Variants in BMPR2 observed in about 807,000 individuals in gnomAD.
BMPR2 encodes the protein bone morphogenetic protein receptor type 2, also known as bone morphogenetic protein receptor type-2.
In BMPR2, 29 loss-of-function variants were observed where a neutral mutation model predicts 100.8. The ratio of observed to expected loss-of-function variants is 0.29; its 90% confidence interval spans 0.21 to 0.39. The LOEUF (loss-of-function observed/expected upper bound fraction) is 0.39. Among genes scored for constraint, BMPR2 ranks in the 10% least tolerant of loss-of-function variants. The probability of loss-of-function intolerance (pLI) is 1.00; values close to 1 mark genes in which losing one functional copy is unlikely to be tolerated. For synonymous variants in BMPR2, 382 were observed against 442.3 expected, an observed-to-expected ratio of 0.86 and a Z score of 1.71; for missense variants, 1,011 against 1,274.5, an observed-to-expected ratio of 0.79 and a Z score of 3.15.
chr2:202,479,648 T>TG (rs1171077037), intron 3 of BMPR2, among the ~76,000 whole-genome samples: 2 of 152,148 alleles, frequency 1.3e-5, no homozygotes, highest in East Asian at 3.8e-4. Flanking sequence ...ATGCTTGAGA[T>TG]GGGGTGTGCA....
At chr2:202,439,569 T>A (rs1691688873) in intron 1 of BMPR2, among the ~76,000 whole-genome samples, 1 of 149,612 alleles carries the variant, frequency 6.7e-6, no homozygotes, top group Non-Finnish European at 1.5e-5. Context: ...TTCATTGTTC[T>A]TTTTCTTTCT....
intron 1 of BMPR2, among the ~76,000 whole-genome samples, chr2:202,393,920 A>G (rs1452555160): frequency 7.5e-6 from 1 of 133,742 alleles, no homozygotes; most frequent in Non-Finnish European, 1.6e-5. Context: ...AGAGAGAGAG[A>G]GAGAGAGAGA....
At chr2:202,530,643 A>C (rs1447502023) in intron 7 of BMPR2, 151 bp from the exon 8 acceptor site, 1 of 624,294 alleles carries the variant, frequency 1.6e-6, no homozygotes. Flanking sequence ...GAAAATAGTG[A>C]TGAGTGTGAG....
At chr2:202,557,159 C>T (rs983522055) in intron 12 of BMPR2, among the ~76,000 whole-genome samples, 6 of 151,662 alleles carry the variant, frequency 4.0e-5, no homozygotes, top group Non-Finnish European at 7.4e-5. Context: ...GGTGAAACCC[C>T]GTCTCTACTA....
At chr2:202,515,288 T>C (rs1429290904) in intron 5 of BMPR2, among the ~76,000 whole-genome samples, 1 of 152,032 alleles carries the variant, frequency 6.6e-6, no homozygotes, top group Non-Finnish European at 1.5e-5. Context: ...AAAGAAAATA[T>C]GGGCCAGGCG....
chr2:202,451,303 T>C (rs912617385), intron 1 of BMPR2, among the ~76,000 whole-genome samples: 3 of 152,226 alleles, frequency 2.0e-5, no homozygotes, highest in Non-Finnish European at 1.5e-5. Context: ...ATGAAAAATA[T>C]TTAAATTCCC....
chr2:202,537,682 A>G (rs1415285932), intron 9 of BMPR2, among the ~76,000 whole-genome samples: 4 of 152,124 alleles, frequency 2.6e-5, no homozygotes, highest in South Asian at 2.1e-4. Flanking sequence ...TATGTTATGT[A>G]TATTCTACCA....
intron 1 of BMPR2, among the ~76,000 whole-genome samples, chr2:202,395,270 A>G (rs778045827): frequency 1.2e-4 from 19 of 152,320 alleles, no homozygotes; most frequent in Non-Finnish European, 2.4e-4. Flanking sequence ...CAACTTTTAA[A>G]TTCTGTGAAT....
At chr2:202,428,009 AAAT>A (rs1691426861) in intron 1 of BMPR2, among the ~76,000 whole-genome samples, 1 of 152,050 alleles carries the variant, frequency 6.6e-6, no homozygotes, top group African/African-American at 2.4e-5. Context: ...CAAATAAAAT[AAAT>A]AATACCTTTT....
At chr2:202,402,709 C>G (rs1468012067) in intron 1 of BMPR2, among the ~76,000 whole-genome samples, 1 of 151,022 alleles carries the variant, frequency 6.6e-6, no homozygotes, top group African/African-American at 2.4e-5. Context: ...CTCTGTCACT[C>G]ATGCTGGAGT....
At chr2:202,520,456 T>C (rs1056599286) in intron 7 of BMPR2, 29 of 517,140 alleles carry the variant, frequency 5.6e-5, no homozygotes, top group African/African-American at 4.6e-4. Flanking sequence ...CTGGAGGCTA[T>C]CATGACCCAG....
chr2:202,413,023 A>G (rs907154237), intron 1 of BMPR2, among the ~76,000 whole-genome samples: 1 of 152,208 alleles, frequency 6.6e-6, no homozygotes, highest in Non-Finnish European at 1.5e-5. Flanking sequence ...CCCCCAAATT[A>G]ATATGCATAG....
Position 202,516,788 on chromosome 2 carries a change from A to T in BMPR2, c.621+1809A>T, listed in dbSNP as rs541322948. 5.9e-4 allele frequency among the ~76,000 whole-genome samples: 90 copies of T among 152,354 alleles called. 1 individual carries two copies. The highest frequency in any genetic ancestry group is 2.0e-3 in the African/African-American group (82 of 41,580). Reference sequence around the variant, plus strand: ...ATGGAATTTTAGCCATGATTAAGTGATAGAAACACTTCCAAACATTGCTGA... The same window carrying T: ...ATGGAATTTTAGCCATGATTAAGTGTTAGAAACACTTCCAAACATTGCTGA... On this transcript the variant is annotated intron_variant, in intron 5 of 12. Transcript: ENST00000374580.
chr2:202,449,341 A>C (rs544305882), intron 1 of BMPR2, among the ~76,000 whole-genome samples: 1 of 151,036 alleles, frequency 6.6e-6, no homozygotes, highest in Non-Finnish European at 1.5e-5. Context: ...ATAAATAAAT[A>C]AATAAATAAT....
intron 3 of BMPR2, among the ~76,000 whole-genome samples, chr2:202,511,647 A>G (rs1362526377): frequency 6.6e-6 from 1 of 152,024 alleles, no homozygotes; most frequent in African/African-American, 2.4e-5. Context: ...AATGAGTTTT[A>G]TATGTAGCTT....
chr2:202,466,542 T>C (rs1234071537), intron 2 of BMPR2, among the ~76,000 whole-genome samples: 1 of 152,156 alleles, frequency 6.6e-6, no homozygotes, highest in African/African-American at 2.4e-5. Context: ...CACTTCGGCC[T>C]CCCAAAGTGC....
chr2:202,415,958 G>A (rs979611795), intron 1 of BMPR2, among the ~76,000 whole-genome samples: 2 of 152,156 alleles, frequency 1.3e-5, no homozygotes, highest in African/African-American at 4.8e-5. Flanking sequence ...GGCTATAGCT[G>A]CCATAGATAG....
intron 1 of BMPR2, among the ~76,000 whole-genome samples, chr2:202,428,764 A>G (rs1430299817): frequency 1.3e-5 from 2 of 152,126 alleles, no homozygotes; most frequent in East Asian, 3.8e-4. Flanking sequence ...AAATGGAAAG[A>G]TTTATTCCAA....
chr2:202,460,721 T>C (rs1692209144), intron 1 of BMPR2, among the ~76,000 whole-genome samples: 1 of 152,002 alleles, frequency 6.6e-6, no homozygotes, highest in South Asian at 2.1e-4. Context: ...TATGGATCCA[T>C]GTCATCATTT....
Sources: allele counts gnomAD v4.1 joint callset (sites outside exome capture counted in the v4.1 genomes callset), GRCh38; gene constraint gnomAD v4.1.1; transcripts MANE v1.5; gene names NCBI Gene and HGNC (gene_info 2026-07-23, HGNC 2026-07-21).